GRN: variants seen among roughly 807,000 people sequenced by gnomAD.
GRN encodes progranulin.
A neutral mutation model predicts 66.7 loss-of-function variants in GRN; 30 were observed. The observed-to-expected ratio is 0.45, with a 90% CI of 0.34 to 0.61. The LOEUF is 0.61. Among genes scored for constraint, GRN ranks in the 20% least tolerant of loss-of-function variants. GRN has a pLI of 0.01. For missense variants in GRN, 731 were observed against 803.5 expected (o/e 0.91, Z 1.09); for synonymous variants, 327 against 311.1 (o/e 1.05, Z -0.54).
rs2048375281 is a variant in GRN at position 44,351,628 on chromosome 17, G to A, written c.1012G>A (p.Gly338Arg). The A allele has an allele frequency of 6.2e-7, 1 of 1,614,118 alleles. No individual in the cohort carries two copies. The highest frequency in any genetic ancestry group is 2.2e-5 in the East Asian group (1 of 44,886). The change falls in exon 10 of 13, where the codon GGG becomes AGG. Residue 338 changes from glycine to arginine, a missense_variant. By Grantham distance (125) the Gly-to-Arg change is moderately radical (BLOSUM62 -2). Around this residue, in one of 3 missense-constraint regions of GRN, gnomAD observed 42 missense variants for 76.6 expected, o/e 0.55. Transcript: ENST00000053867. ...CACGCAGAAGGGTACCTGTGAACAG[G>A]GGCCCCACCAGGTGCCCTGGATGGA... ...CDTQKGTCEQGPHQVPWMEKA... is the reference protein window; with the variant it reads ...CDTQKGTCEQRPHQVPWMEKA...
Position 44,352,768 on chromosome 17 carries a change from G to C in GRN, c.1752G>C (p.Leu584Phe), listed in dbSNP as rs1157920398. ...RREAPRWDAPLRDPALRQLL is the reference protein window; with the variant it reads ...RREAPRWDAPFRDPALRQLL ...AGGCCCCGCGCTGGGACGCCCCTTT[G>C]AGGGACCCAGCCTTGAGACAGCTGC... The change falls in exon 13 of 13, where the codon TTG becomes TTC. Residue 584 changes from leucine to phenylalanine, a missense_variant. Physicochemically the swap from Leu to Phe is conservative, Grantham distance 22 (BLOSUM62 0). This residue lies in a region of GRN where 319 missense variants were observed against 347.2 expected (regional missense o/e 0.92). Coordinates refer to ENST00000053867, the MANE Select transcript of GRN (RefSeq NM_002087.4). 6.2e-7 allele frequency: 1 copy of C among 1,611,844 alleles called. No individual in the cohort carries two copies. The highest frequency in any genetic ancestry group is 1.3e-5 in the African/African-American group (1 of 74,938).
Position 44,352,121 on chromosome 17 carries a change from T to C in GRN, c.1286T>C (p.Met429Thr). ...GAGATCGTGGCTGGACTGGAGAAGATGCCTGCCCGCCGGGCTTCCTTATCC... is the reference window on the plus strand; with the variant it reads ...GAGATCGTGGCTGGACTGGAGAAGACGCCTGCCCGCCGGGCTTCCTTATCC... ...GSEIVAGLEK[M>T]PARRASLSHP... Residue 429 changes from methionine (M) to threonine (T), a missense_variant, in exon 11 of 13, where the codon ATG becomes ACG. Coordinates refer to ENST00000053867, the MANE Select transcript of GRN (RefSeq NM_002087.4). 6.2e-7 allele frequency: 1 copy of C among 1,613,736 alleles called. No individual in the cohort carries two copies. The highest frequency in any genetic ancestry group is 8.5e-7 in the Non-Finnish European group (1 of 1,179,894).
chr17:44,350,175 G>A (rs116811901), intron 4 of GRN, 53 bp from the exon 5 acceptor site: 2 of 1,071,034 alleles, frequency 1.9e-6, no homozygotes, highest in South Asian at 1.3e-5. Context: ...GTGTGATGGG[G>A]GAGTCACCTT....
chr17:44,348,348 G>A (rs191512633), intron 1 of GRN, among the ~76,000 whole-genome samples: 60 of 152,304 alleles, frequency 3.9e-4, no homozygotes, highest in African/African-American at 1.3e-3. Flanking sequence ...AGCCCAGTGG[G>A]CACACGTGGT....
At chr17:44,348,214 C>T (rs1164006038) in intron 1 of GRN, among the ~76,000 whole-genome samples, 1 of 152,194 alleles carries the variant, frequency 6.6e-6, no homozygotes, top group Admixed American at 6.5e-5. Context: ...TTATGAGTTA[C>T]CTCTCTGGCC....
Position 44,352,679 on chromosome 17 carries a change from C to G in GRN, c.1663C>G (p.Arg555Gly), listed in dbSNP as rs768297331. 1 of 1,610,026 alleles carries G rather than the reference C, an allele frequency of 6.2e-7. No homozygotes were observed. The highest frequency in any genetic ancestry group is 1.7e-5 in the Admixed American group (1 of 60,034). ...PYRQGVCCAD[R>G]RHCCPAGFRC... ...CATCCAGGGCGTCTGTTGTGCTGAT[C>G]GGCGCCACTGCTGTCCTGCTGGCTT... The change falls in exon 13 of 13, where the codon CGG becomes GGG. Residue 555 changes from arginine to glycine, a missense_variant. Coordinates refer to ENST00000053867, the MANE Select transcript of GRN (RefSeq NM_002087.4).
rs2048394474 is a variant in GRN at position 44,353,014 on chromosome 17, A to T, written c.*216A>T. 1 of 612,888 alleles carries T rather than the reference A, an allele frequency of 1.6e-6. No individual in the cohort carries two copies. The highest frequency in any genetic ancestry group is 2.7e-5 in the Admixed American group (1 of 36,424). 38.0% of individuals were successfully genotyped at this position (612,888 alleles called of 1,614,324 possible). ...CAAGCTGCCATCCCCTCCCCGTTTCAGTGGACCCTGTGGCCAGGTGCTTTT... is the reference window on the plus strand; with the variant it reads ...CAAGCTGCCATCCCCTCCCCGTTTCTGTGGACCCTGTGGCCAGGTGCTTTT... On this transcript the variant is annotated 3_prime_UTR_variant, in exon 13 of 13. Transcript: ENST00000053867.
chr17:44,351,873 C>T (rs1001409658), intron 10 of GRN, 78 bp downstream of exon 10: 2 of 1,529,782 alleles, frequency 1.3e-6, no homozygotes, highest in East Asian at 2.3e-5. Flanking sequence ...TCCGCATAGC[C>T]CATAGGTGAT....
In GRN at chr17:44,351,156, G is replaced by T. The variant is rs761530797; in HGVS notation, c.828G>T (p.Ala276=). The stretch of plus-strand genomic sequence containing the variant: ...CGGACCTCCTCACTAAGCTGCCTGC[G>T]CACACAGGTACCAGAGGCAGGGTGC... ...ATTDLLTKLP[A]HTVGDVKCDM... is the part of the protein sequence containing the mutation. The change falls in exon 8 of 13, where the codon GCG becomes GCT. Residue 276 remains alanine, a synonymous_variant. Coordinates refer to ENST00000053867, the MANE Select transcript of GRN (RefSeq NM_002087.4). The T allele has an allele frequency of 1.9e-6, 3 of 1,614,134 alleles. No individual in the cohort carries two copies. The highest frequency in any genetic ancestry group is 2.5e-6 in the Non-Finnish European group (3 of 1,179,998).
At chr17:44,347,693 T>C in intron 1 of GRN, among the ~76,000 whole-genome samples, 1 of 151,484 alleles carries the variant, frequency 6.6e-6, no homozygotes, top group East Asian at 2.0e-4. Context: ...GGTTCAAGCC[T>C]GTAATCCCAG....
rs63751248 is a variant in GRN, at chr17:44,352,711, C to T, written c.1695C>T (p.Cys565=). ...ACTGCTGTCCTGCTGGCTTCCGCTG[C>T]GCAGCCAGGGGTACCAAGTGTTTGC... The part of the protein sequence containing the change: ...RRHCCPAGFR[C]AARGTKCLRR... The change falls in exon 13 of 13, where the codon TGC becomes TGT. Residue 565 remains cysteine (C), a synonymous_variant. Transcript: ENST00000053867. The T allele has an allele frequency of 4.7e-5, 75 of 1,610,870 alleles. No individual in the cohort carries two copies. Among genetic ancestry groups the T allele is most frequent in the Non-Finnish European group, 5.8e-5 (69 of 1,179,964 alleles).
In GRN at chr17:44,351,074, A is replaced by G. The variant is rs1567886970; in HGVS notation, c.746A>G (p.Gln249Arg). The G allele has an allele frequency of 4.3e-6, 7 of 1,613,990 alleles. No individual in the cohort carries two copies. Among genetic ancestry groups the G allele is most frequent in the Non-Finnish European group, 5.9e-6 (7 of 1,179,946 alleles). ...CCSDHLHCCP[Q>R]DTVCDLIQSK... ...TCCGATCACCTGCACTGCTGCCCCC[A>G]AGACACTGTGTGTGACCTGATCCAG... Residue 249 changes from glutamine to arginine, a missense_variant, in exon 8 of 13, where the codon CAA (glutamine) becomes CGA (arginine). By Grantham distance (43) the Gln-to-Arg change is conservative. This residue lies in a region of GRN where 370 missense variants were observed against 379.8 expected (regional missense o/e 0.97). Coordinates refer to ENST00000053867, the MANE Select transcript of GRN (RefSeq NM_002087.4).
chr17:44,350,922 AG>A, intron 7 of GRN, 114 bp from the exon 8 acceptor site: 2 of 1,416,184 alleles, frequency 1.4e-6, no homozygotes, highest in South Asian at 2.3e-5. Context: ...TGGCTGATGC[AG>A]GGTTCATGCT....
intron 1 of GRN, chr17:44,346,095 C>T (rs922379444): frequency 1.3e-5 from 2 of 152,568 alleles, no homozygotes; most frequent in African/African-American, 2.4e-5. Flanking sequence ...TTAGGGTAAA[C>T]AGGAGGGGCC....
intron 4 of GRN, 48 bp from the exon 5 acceptor site, chr17:44,350,180 C>CAGTA (rs2143330949): frequency 7.5e-7 from 1 of 1,340,468 alleles, no homozygotes; most frequent in South Asian, 1.2e-5. Flanking sequence ...ATGGGGGAGT[C>CAGTA]ACCTTCCCTG....
Position 44,349,149 on chromosome 17 carries a change from A to G in GRN, c.-7-9A>G. 6.2e-7 allele frequency: 1 copy of G among 1,613,972 alleles called. No homozygotes were observed. Among genetic ancestry groups the G allele is most frequent in the Non-Finnish European group, 8.5e-7 (1 of 1,179,966 alleles). On this transcript the variant is annotated splice_polypyrimidine_tract_variant and intron_variant, in intron 1 of 12. Transcript: ENST00000053867. Reference sequence around the variant, plus strand: ...AAGCAGTTGCCAGACGTTCCTTGGTACTTTGCAGGCAGACCATGTGGACCC... The same window carrying G: ...AAGCAGTTGCCAGACGTTCCTTGGTGCTTTGCAGGCAGACCATGTGGACCC...
chr17:44,349,599 C>G, intron 3 of GRN, 48 bp downstream of exon 3: 1 of 1,613,214 alleles, frequency 6.2e-7, no homozygotes, highest in Non-Finnish European at 8.5e-7. Flanking sequence ...TGCATTTATG[C>G]TTTTCCTGCA....
intron 1 of GRN, among the ~76,000 whole-genome samples, chr17:44,346,946 A>G (rs769224292): frequency 7.9e-5 from 12 of 151,904 alleles, no homozygotes; most frequent in Non-Finnish European, 1.6e-4. Flanking sequence ...TGAAACCCCC[A>G]TCTCTACTAA....
At chr17:44,349,793 A>T (rs768736547) in intron 4 of GRN, 42 bp downstream of exon 4, 2 of 1,362,900 alleles carry the variant, frequency 1.5e-6, no homozygotes, top group East Asian at 4.6e-5. Flanking sequence ...GACGGGCAGC[A>T]TGTGGAGTCT....
Sources: allele counts gnomAD v4.1 joint callset (sites outside exome capture counted in the v4.1 genomes callset), GRCh38; gene constraint gnomAD v4.1.1; regional missense constraint gnomAD v4.1.1; transcripts MANE v1.5; gene names NCBI Gene and HGNC (gene_info 2026-07-23, HGNC 2026-07-21).